The following ELFN1 variants were observed in gnomAD, a reference collection of about 807,000 sequenced individuals.
ELFN1 encodes protein ELFN1.
Under a neutral mutation model 7.6 loss-of-function variants are expected in ELFN1, and 6 were observed. The observed-to-expected ratio is 0.79, with a 90% CI of 0.43 to 1.56. The LOEUF is 1.56. ELFN1 is among the 40% of genes most tolerant of loss of function. The pLI, the probability that ELFN1 is intolerant of heterozygous loss-of-function variation, is 0.01. For missense variants in ELFN1, 1,169 were observed against 1,232.2 expected (o/e 0.95, Z 0.77); for synonymous variants, 657 against 588.1 (o/e 1.12, Z -1.70).
intron 3 of ELFN1, among the ~76,000 whole-genome samples, chr7:1,710,301 C>G (rs1779622631): frequency 6.6e-6 from 1 of 152,204 alleles, no homozygotes; most frequent in Non-Finnish European, 1.5e-5. Flanking sequence ...TAGAACCTCC[C>G]AAGGCTTGCC....
At chr7:1,730,422 C>G (rs1175447107) in intron 3 of ELFN1, among the ~76,000 whole-genome samples, 1 of 152,100 alleles carries the variant, frequency 6.6e-6, no homozygotes, top group African/African-American at 2.4e-5. Flanking sequence ...AATATTGGAT[C>G]AAAAAGCCTC....
intron 3 of ELFN1, among the ~76,000 whole-genome samples, chr7:1,732,828 C>T (rs1295955282): frequency 1.3e-5 from 2 of 152,156 alleles, no homozygotes; most frequent in Non-Finnish European, 2.9e-5. Flanking sequence ...TGAGCTCAAG[C>T]CACAGTGGGG....
rs779780986 is a variant in ELFN1, at chr7:1,705,384, C to T, written c.-455-3707C>T. 1.3e-5 allele frequency among the ~76,000 whole-genome samples: 2 copies of T among 152,218 alleles called. No homozygotes were observed. The highest frequency in any genetic ancestry group is 6.5e-5 in the Admixed American group (1 of 15,284). ...TCAAGTTTGGGCGCCTTCATTTTTC[C>T]AACCCTCTCACCCGGACATTTGCAA... On this transcript the variant is annotated intron_variant, in intron 2 of 3. Coordinates refer to ENST00000424383, the MANE Select transcript of ELFN1 (RefSeq NM_001128636.4). This position sits in a 1 kb window ranked among gnomAD's most constrained non-coding sequence, Gnocchi z 4.3.
chr7:1,725,644 C>T (rs1780170287), intron 3 of ELFN1, among the ~76,000 whole-genome samples: 1 of 152,170 alleles, frequency 6.6e-6, no homozygotes, highest in South Asian at 2.1e-4. Flanking sequence ...CCCCAGCTGT[C>T]GGACGCCCGC....
rs1225047280 is a variant in ELFN1, at chr7:1,746,159, C to T, written c.1563C>T (p.Ser521=). The T allele has an allele frequency of 1.9e-6, 3 of 1,549,336 alleles. No homozygotes were observed. The highest frequency in any genetic ancestry group is 2.6e-6 in the Non-Finnish European group (3 of 1,146,408). Residue 521 remains serine (S), a synonymous_variant, in exon 4 of 4, where the codon AGC becomes AGT. Transcript: ENST00000424383. ...AGAGCGCGGACACCCCCAAGGCCAG[C>T]AAGGGCAGCTACATGGAGGTTCGAA... The part of the protein sequence containing the change: ...LVESADTPKA[S]KGSYMEVRTG...
chr7:1,716,474 G>A (rs541811901), intron 3 of ELFN1, among the ~76,000 whole-genome samples: 23 of 152,332 alleles, frequency 1.5e-4, no homozygotes, highest in Non-Finnish European at 2.4e-4. Context: ...CCTTCCTGCC[G>A]CTGGACGTGG....
In ELFN1 at chr7:1,745,435, C is replaced by T. The variant is rs1780751107; in HGVS notation, c.839C>T (p.Pro280Leu). Residue 280 changes from proline to leucine, a missense_variant, in exon 4 of 4, where the codon CCT becomes CTT. This residue lies in a region of ELFN1 where 914 missense variants were observed against 872.6 expected (regional missense o/e 1.05). Transcript: ENST00000424383. Reference protein sequence around the residue: ...SQPGRSPPPPPPPEPSDMPCA... With the variant: ...SQPGRSPPPPLPPEPSDMPCA... ...CCGGGCCGCTCCCCGCCGCCCCCGCCTCCGCCGGAGCCCAGTGACATGCCC... is the reference window on the plus strand; with the variant it reads ...CCGGGCCGCTCCCCGCCGCCCCCGCTTCCGCCGGAGCCCAGTGACATGCCC... 3 of 1,539,736 alleles carry T rather than the reference C, an allele frequency of 1.9e-6. No individual in the cohort carries two copies. The highest frequency in any genetic ancestry group is 2.6e-6 in the Non-Finnish European group (3 of 1,146,290).
chr7:1,694,730 G>T (rs778487053), intron 2 of ELFN1, among the ~76,000 whole-genome samples: 9 of 152,206 alleles, frequency 5.9e-5, no homozygotes, highest in Non-Finnish European at 1.2e-4. Context: ...AGACGTCACT[G>T]TCACCATGCC....
chr7:1,691,285 A>G (rs930401644), intron 2 of ELFN1, among the ~76,000 whole-genome samples: 1 of 152,140 alleles, frequency 6.6e-6, no homozygotes, highest in African/African-American at 2.4e-5. Flanking sequence ...GTCTGTTTGC[A>G]CCCTCGGAGG....
intron 2 of ELFN1, among the ~76,000 whole-genome samples, chr7:1,704,497 C>T (rs1583338616): frequency 6.6e-6 from 1 of 152,138 alleles, no homozygotes; most frequent in African/African-American, 2.4e-5. Context: ...CCAGACCCTC[C>T]GTAAACACAT....
chr7:1,730,849 A>G (rs948045882), intron 3 of ELFN1, among the ~76,000 whole-genome samples: 2 of 152,250 alleles, frequency 1.3e-5, no homozygotes, highest in South Asian at 2.1e-4. Context: ...TGGGATGTCT[A>G]CAGGGAAGAA....
At chr7:1,696,484 T>C (rs1779316856) in intron 2 of ELFN1, among the ~76,000 whole-genome samples, 1 of 151,440 alleles carries the variant, frequency 6.6e-6, no homozygotes, top group Non-Finnish European at 1.5e-5. Flanking sequence ...CTCCACCTCC[T>C]GGGCTCAAGC....
intron 3 of ELFN1, among the ~76,000 whole-genome samples, chr7:1,713,021 C>T (rs578098594): frequency 2.6e-5 from 4 of 152,318 alleles, no homozygotes; most frequent in South Asian, 2.1e-4. Context: ...TCCGGAACAC[C>T]GATGCTGCAT....
chr7:1,723,782 T>C (rs1279931414), intron 3 of ELFN1, among the ~76,000 whole-genome samples: 3 of 152,236 alleles, frequency 2.0e-5, no homozygotes, highest in Non-Finnish European at 4.4e-5. Context: ...TCTGGGAGGA[T>C]GAGGAGTGGC....
chr7:1,741,145 A>AG (rs1450107283), intron 3 of ELFN1, among the ~76,000 whole-genome samples: 2 of 151,446 alleles, frequency 1.3e-5, no homozygotes, highest in African/African-American at 2.4e-5. Flanking sequence ...AAAAAAAAAA[A>AG]AAAGAAGAAA....
chr7:1,742,015 C>T (rs1291085199), intron 3 of ELFN1, among the ~76,000 whole-genome samples: 2 of 152,202 alleles, frequency 1.3e-5, no homozygotes, highest in Admixed American at 1.3e-4. Context: ...CTCACGTGTA[C>T]AAACACGTGT....
intron 3 of ELFN1, among the ~76,000 whole-genome samples, chr7:1,713,204 G>A (rs1779716171): frequency 6.6e-6 from 1 of 152,196 alleles, no homozygotes; most frequent in African/African-American, 2.4e-5. Context: ...CCAGGCTGCA[G>A]ACTCTGTGCT....
chr7:1,747,519 TG>T lies in ELFN1; in HGVS notation c.*442del. On this transcript the variant is annotated 3_prime_UTR_variant, in exon 4 of 4. Transcript: ENST00000424383. ...TTAAAAAGACATAAAATGCCATCCG[TG>T]GGGGGTGTGGCCGGCGTGGCCACCT... The T allele has an allele frequency of 6.0e-6, 1 of 165,570 alleles. No homozygotes were observed. Among genetic ancestry groups the T allele is most frequent in the Non-Finnish European group, 1.5e-5 (1 of 68,208 alleles). The allele number at this position is 165,570 out of a possible 1,614,324, so 10.3% of individuals were successfully genotyped here. A position where few individuals can be genotyped will look rare whatever the true frequency, so the allele number is the denominator to read the frequency against.
At chr7:1,692,031 A>G (rs1487172424) in intron 2 of ELFN1, 2 of 152,382 alleles carry the variant, frequency 1.3e-5, no homozygotes, top group East Asian at 1.9e-4. Flanking sequence ...CAGGATGGCC[A>G]CGATGGCTGG....
Sources: allele counts gnomAD v4.1 joint callset (sites outside exome capture counted in the v4.1 genomes callset), GRCh38; gene constraint gnomAD v4.1.1; regional missense constraint gnomAD v4.1.1; non-coding constraint Gnocchi (gnomAD v3.1); transcripts MANE v1.5; gene names NCBI Gene and HGNC (gene_info 2026-07-23, HGNC 2026-07-21).